The following SIMC1 variants were observed in gnomAD, a reference collection of about 807,000 sequenced individuals.
SIMC1 encodes SUMO-interacting motif-containing protein 1.
A neutral mutation model predicts 82.3 loss-of-function variants in SIMC1; 55 were observed. The observed-to-expected ratio is 0.67, with a 90% CI of 0.54 to 0.84. The LOEUF (loss-of-function observed/expected upper bound fraction) is 0.84. Among genes scored for constraint, SIMC1 ranks in the 40% least tolerant of loss-of-function variants. The pLI is 0.00. For missense variants in SIMC1, 915 were observed against 1,107.2 expected, an observed-to-expected ratio of 0.83 and a Z score of 2.46; for synonymous variants, 353 against 426.3, an observed-to-expected ratio of 0.83 and a Z score of 2.12.
intron 1 of SIMC1, among the ~76,000 whole-genome samples, chr5:176,264,799 G>A (rs1457951264): frequency 6.6e-6 from 1 of 151,956 alleles, no homozygotes; most frequent in Non-Finnish European, 1.5e-5. Flanking sequence ...GTGAGATTTA[G>A]AACAAAGCAA....
chr5:176,333,283 G>A (rs187584293), intron 7 of SIMC1, among the ~76,000 whole-genome samples: 53 of 152,004 alleles, frequency 3.5e-4, no homozygotes, highest in East Asian at 3.3e-3. Context: ...CAGCCTGGGC[G>A]ACAGAGCAAG....
At chr5:176,314,192 A>G (rs1390821310) in intron 5 of SIMC1, among the ~76,000 whole-genome samples, 2 of 152,164 alleles carry the variant, frequency 1.3e-5, no homozygotes, top group African/African-American at 2.4e-5. Context: ...ACTTGAACCC[A>G]GGAGGCAGAG....
intron 1 of SIMC1, among the ~76,000 whole-genome samples, chr5:176,287,619 TAAAATA>T (rs1354855594): frequency 1.3e-5 from 2 of 148,406 alleles, no homozygotes; most frequent in Non-Finnish European, 3.0e-5. Context: ...CCCTAGAACT[TAAAATA>T]TAATAATTTT....
intron 1 of SIMC1, among the ~76,000 whole-genome samples, chr5:176,256,432 C>A (rs1162156524): frequency 2.0e-5 from 3 of 152,188 alleles, no homozygotes; most frequent in Non-Finnish European, 2.9e-5. Flanking sequence ...CGCAAACTTT[C>A]CATGATATAC....
At chr5:176,284,596 A>G (rs1312811281) in intron 1 of SIMC1, among the ~76,000 whole-genome samples, 2 of 152,220 alleles carry the variant, frequency 1.3e-5, no homozygotes, top group Non-Finnish European at 2.9e-5. Flanking sequence ...TTGACACCCT[A>G]ACATCACAAT....
chr5:176,307,089 C>T (rs1764457150), intron 4 of SIMC1, among the ~76,000 whole-genome samples: 1 of 152,032 alleles, frequency 6.6e-6, no homozygotes, highest in African/African-American at 2.4e-5. Context: ...GTATGCAAAT[C>T]AAAACCACAA....
rs1464189096 is a variant in SIMC1 at position 176,299,333 on chromosome 5, C to G, written c.1734+3013C>G. ...CCGTGAGCCCAGGAGTTCTAGGCTG[C>G]AGTAGGCTATCATAGTGCCACTGCA... On this transcript the variant is annotated intron_variant, in intron 4 of 9. Coordinates refer to ENST00000429602, the MANE Select transcript of SIMC1 (RefSeq NM_001308195.2). Among the ~76,000 whole-genome samples the G allele has an allele frequency of 4.0e-5, 6 of 151,402 alleles. No individual in the cohort carries two copies. The Middle Eastern group carries it at 0.017, about 435-fold the overall frequency.
chr5:176,270,714 A>C (rs192230220), intron 1 of SIMC1, among the ~76,000 whole-genome samples: 2 of 152,364 alleles, frequency 1.3e-5, no homozygotes, highest in African/African-American at 4.8e-5. Flanking sequence ...AACTCACTGC[A>C]GCCCTGTCAC....
In SIMC1 at chr5:176,310,317, A is replaced by G. The variant is rs555124129; in HGVS notation, c.1735-3374A>G. Reference sequence around the variant, plus strand: ...CCAGCAGTTGTGCTCCTGGACATTCATTCCAGAGAAATGAAAACCTATATT... The same window carrying G: ...CCAGCAGTTGTGCTCCTGGACATTCGTTCCAGAGAAATGAAAACCTATATT... On this transcript the variant is annotated intron_variant, in intron 4 of 9. Coordinates refer to ENST00000429602, the MANE Select transcript of SIMC1 (RefSeq NM_001308195.2). Among the ~76,000 whole-genome samples, 50 of 152,374 alleles carry G rather than the reference A, an allele frequency of 3.3e-4. No individual in the cohort carries two copies. The South Asian group carries it at 9.7e-3, about 30-fold the overall frequency.
chr5:176,329,712 C>T (rs1044982244), intron 7 of SIMC1, among the ~76,000 whole-genome samples: 4 of 151,914 alleles, frequency 2.6e-5, no homozygotes, highest in African/African-American at 7.3e-5. Context: ...GTTTCTTTTT[C>T]GCAGAGATAT....
At chr5:176,312,566 C>A (rs1233243044) in intron 4 of SIMC1, among the ~76,000 whole-genome samples, 2 of 147,364 alleles carry the variant, frequency 1.4e-5, no homozygotes, top group African/African-American at 2.5e-5. Context: ...AAAAATCTAG[C>A]ACAGGTACAT....
chr5:176,298,356 G>A (rs1763907832), intron 4 of SIMC1, among the ~76,000 whole-genome samples: 1 of 152,192 alleles, frequency 6.6e-6, no homozygotes, highest in African/African-American at 2.4e-5. Flanking sequence ...AAGGTGCTGG[G>A]ATTACAGGCG....
chr5:176,296,370 A>G, intron 4 of SIMC1, 50 bp downstream of exon 4: 1 of 1,612,828 alleles, frequency 6.2e-7, no homozygotes, highest in Non-Finnish European at 8.5e-7. Flanking sequence ...TTTTAACTAT[A>G]AAGAAAAGTG....
chr5:176,258,168 CTA>C (rs1464081555), intron 1 of SIMC1, among the ~76,000 whole-genome samples: 2 of 152,182 alleles, frequency 1.3e-5, no homozygotes, highest in Admixed American at 6.5e-5. Flanking sequence ...TTTTGAATGA[CTA>C]TGTGTTATGT....
At chr5:176,294,792 C>T (rs1357410928) in intron 2 of SIMC1, 6 of 426,344 alleles carry the variant, frequency 1.4e-5, no homozygotes, top group African/African-American at 2.0e-5. Context: ...GAAACCCTGT[C>T]TTTACTAAAA....
At chr5:176,308,047 A>T (rs181077632) in intron 4 of SIMC1, 10 of 703,160 alleles carry the variant, frequency 1.4e-5, no homozygotes, top group African/African-American at 7.0e-5. Context: ...AATTAAAAGC[A>T]ATGAGCTGGG....
Position 176,290,353 on chromosome 5 carries a change from G to A in SIMC1, c.829G>A (p.Gly277Ser), listed in dbSNP as rs571003707. 67 of 1,613,836 alleles carry A rather than the reference G, an allele frequency of 4.2e-5. No homozygotes were observed. In the Admixed American group the frequency reaches 1.1e-3, roughly 25 times the overall value. ...GCCATGCCCTCGGCAGAATATCCCAGGCCCACCTCAAGACTCTCTGGGCCT... is the reference window on the plus strand; with the variant it reads ...GCCATGCCCTCGGCAGAATATCCCAAGCCCACCTCAAGACTCTCTGGGCCT... ...EVPCPRQNIP[G>S]PPQDSLGLPQ... The change falls in exon 2 of 10, where the codon GGC (glycine) becomes AGC (serine). Residue 277 changes from glycine (G) to serine (S), a missense_variant. Transcript: ENST00000429602.
chr5:176,284,608 A>T (rs1215091410), intron 1 of SIMC1, among the ~76,000 whole-genome samples: 8 of 152,240 alleles, frequency 5.3e-5, no homozygotes, highest in Non-Finnish European at 1.0e-4. Flanking sequence ...CATCACAATT[A>T]AAAGAACTAC....
At chr5:176,252,868 G>A (rs1199785417) in intron 1 of SIMC1, among the ~76,000 whole-genome samples, 4 of 152,332 alleles carry the variant, frequency 2.6e-5, no homozygotes, top group East Asian at 1.9e-4. Context: ...CTGAGTGAAC[G>A]AGACTCCGTC....
Sources: allele counts gnomAD v4.1 joint callset (sites outside exome capture counted in the v4.1 genomes callset), GRCh38; gene constraint gnomAD v4.1.1; transcripts MANE v1.5; gene names NCBI Gene and HGNC (gene_info 2026-07-23, HGNC 2026-07-21).